Variants in SV2C observed in about 807,000 individuals in gnomAD.
SV2C encodes the protein solute carrier family 22 member B3.
In SV2C, 49 loss-of-function variants were observed where a neutral mutation model predicts 79.7. The ratio of observed to expected loss-of-function variants is 0.61; its 90% confidence interval spans 0.49 to 0.78. The LOEUF (loss-of-function observed/expected upper bound fraction) is 0.78. Ranked by LOEUF, SV2C falls within the 30% of genes least tolerant of loss-of-function variation. The pLI is 0.00. For missense variants in SV2C, 833 were observed against 912.9 expected (o/e 0.91, Z 1.13); for synonymous variants, 334 against 333.2 (o/e 1.00, Z -0.03).
the SV2C span, among the ~76,000 whole-genome samples, chr5:76,069,601 C>T: frequency 6.6e-6 from 1 of 152,144 alleles, no homozygotes; most frequent in Non-Finnish European, 1.5e-5. Flanking sequence ...TCCCGGGAAT[C>T]CCAGGCTAGT....
intron 4 of SV2C, among the ~76,000 whole-genome samples, chr5:76,281,696 C>T (rs1747201353): frequency 6.6e-6 from 1 of 152,182 alleles, no homozygotes; most frequent in Non-Finnish European, 1.5e-5. Context: ...CAGCCACCTG[C>T]ATTCCCTAGT....
the SV2C span, among the ~76,000 whole-genome samples, chr5:75,947,923 T>TGA: frequency 6.6e-6 from 1 of 152,104 alleles, no homozygotes; most frequent in South Asian, 2.1e-4. Context: ...TAGGAAGTCT[T>TGA]ATTCTACTCC....
intron 1 of SV2C, among the ~76,000 whole-genome samples, chr5:76,090,377 A>G (rs1325617042): frequency 6.6e-6 from 1 of 152,222 alleles, no homozygotes; most frequent in African/African-American, 2.4e-5. Context: ...CATGCAGAGC[A>G]TTGTATTTAG....
chr5:75,930,123 C>T, the SV2C span, among the ~76,000 whole-genome samples: 2 of 152,038 alleles, frequency 1.3e-5, no homozygotes, highest in Non-Finnish European at 2.9e-5. Context: ...TACTATTTTT[C>T]CCCTCCCCTC....
At chr5:76,301,795 G>A (rs1163775051) in intron 12 of SV2C, among the ~76,000 whole-genome samples, 1 of 149,804 alleles carries the variant, frequency 6.7e-6, no homozygotes, top group South Asian at 2.1e-4. Context: ...TGTAATCCCA[G>A]TTACTCAGGA....
the SV2C span, among the ~76,000 whole-genome samples, chr5:76,071,667 T>C: frequency 2.0e-5 from 3 of 152,188 alleles, no homozygotes; most frequent in African/African-American, 7.2e-5. Flanking sequence ...ATGCTAAAAA[T>C]AGAAGTGAAC....
intron 1 of SV2C, among the ~76,000 whole-genome samples, chr5:76,121,536 A>G (rs376203087): frequency 8.6e-5 from 13 of 150,992 alleles, no homozygotes; most frequent in African/African-American, 2.7e-4. Context: ...ATCTTGAATT[A>G]ATTTTTGTAT....
exon 13 of SV2C, chr5:76,353,906 G>T (rs921180483): frequency 6.6e-6 from 1 of 152,166 alleles, no homozygotes; most frequent in African/African-American, 2.4e-5. Flanking sequence ...CCACTAGGAT[G>T]TCCATTTCAT....
the SV2C span, among the ~76,000 whole-genome samples, chr5:76,069,382 G>A: frequency 6.6e-6 from 1 of 152,120 alleles, no homozygotes; most frequent in Non-Finnish European, 1.5e-5. Context: ...TTGCCTTTGG[G>A]TATCTCTCCA....
the SV2C span, among the ~76,000 whole-genome samples, chr5:75,916,249 T>A: frequency 7.0e-6 from 1 of 142,930 alleles, no homozygotes; most frequent in African/African-American, 2.6e-5. Flanking sequence ...TCCTCCTCCT[T>A]GTCCTCTTTC....
chr5:76,245,930 G>GTGTGTA (rs139878064), intron 4 of SV2C, among the ~76,000 whole-genome samples: 5 of 142,462 alleles, frequency 3.5e-5, no homozygotes, highest in Non-Finnish European at 6.3e-5. Flanking sequence ...GTGTGTGTGT[G>GTGTGTA]TGTGTATGTG....
At chr5:76,227,456 AGG>A (rs920824827) in intron 4 of SV2C, among the ~76,000 whole-genome samples, 47 of 152,280 alleles carry the variant, frequency 3.1e-4, no homozygotes, top group African/African-American at 1.1e-3. Flanking sequence ...GTGCCTTCCT[AGG>A]GCATCCTACC....
intron 2 of SV2C, among the ~76,000 whole-genome samples, chr5:76,153,996 A>G (rs1742647936): frequency 6.6e-6 from 1 of 152,196 alleles, no homozygotes; most frequent in South Asian, 2.1e-4. Flanking sequence ...GAACCAGGGT[A>G]AGGAGACTCA....
intron 1 of SV2C, among the ~76,000 whole-genome samples, chr5:76,121,813 G>C (rs947283277): frequency 2.0e-5 from 3 of 151,718 alleles, no homozygotes; most frequent in Non-Finnish European, 4.4e-5. Context: ...GATGCCTCCA[G>C]CTTTGTTCTT....
intron 4 of SV2C, among the ~76,000 whole-genome samples, chr5:76,274,684 C>CTT (rs11415755): frequency 1.9e-3 from 262 of 139,564 alleles, no homozygotes; most frequent in Middle Eastern, 3.7e-3. Flanking sequence ...TTTTCTCCTT[C>CTT]TTTTTTTTTT....
In SV2C at chr5:76,291,837, T is replaced by C. The variant is rs773329405; in HGVS notation, c.1318T>C (p.Trp440Arg). 6.2e-7 allele frequency: 1 copy of C among 1,608,944 alleles called. No homozygotes were observed. Among genetic ancestry groups the C allele is most frequent in the Non-Finnish European group, 8.5e-7 (1 of 1,176,924 alleles). Residue 440 changes from tryptophan to arginine, a missense_variant, in exon 8 of 13, where the codon TGG (tryptophan) becomes CGG (arginine). Transcript: ENST00000502798. ...RDNTIKLTIV[W>R]FTLSFGYYGL... ...TAATACAATAAAGCTTACAATTGTTTGGTTCACCCTGTCCTTTGGGTAAGT... is the reference window on the plus strand; with the variant it reads ...TAATACAATAAAGCTTACAATTGTTCGGTTCACCCTGTCCTTTGGGTAAGT...
At chr5:76,285,140 T>A (rs1442590767) in intron 4 of SV2C, 22 bp from the exon 5 acceptor site, 1 of 1,613,050 alleles carries the variant, frequency 6.2e-7, no homozygotes, top group Non-Finnish European at 8.5e-7. Flanking sequence ...TCTCCCTCAC[T>A]CTCCGTGTCC....
the SV2C span, among the ~76,000 whole-genome samples, chr5:75,898,922 T>A: frequency 6.6e-6 from 1 of 152,356 alleles, no homozygotes; most frequent in Non-Finnish European, 1.5e-5. Context: ...ATATCCCCTT[T>A]GTCATTTTTT....
At chr5:75,935,827 A>G in the SV2C span, among the ~76,000 whole-genome samples, 2 of 152,222 alleles carry the variant, frequency 1.3e-5, no homozygotes, top group Non-Finnish European at 2.9e-5. Flanking sequence ...AAAAGGATTC[A>G]TAGCTACAGG....
Sources: gnomAD v4.1 joint callset for allele counts (sites outside exome capture counted in the v4.1 genomes callset) on GRCh38, gnomAD v4.1.1 for gene constraint, MANE v1.5 for transcripts, NCBI Gene and HGNC (gene_info 2026-07-23, HGNC 2026-07-21) for gene names.